The following ANXA1 variants were observed in gnomAD, a reference collection of about 807,000 sequenced individuals.
ANXA1 encodes the protein annexin I (lipocortin I).
ANXA1 carries 39 observed loss-of-function variants against 47.9 expected under a neutral mutation model. That is an observed-to-expected ratio of 0.81 (90% CI 0.63 to 1.06). The LOEUF (loss-of-function observed/expected upper bound fraction) is 1.06, where lower values mean the gene tolerates loss of function less well. Ranked by LOEUF, ANXA1 falls within the 50% of genes least tolerant of loss-of-function variation. ANXA1 has a pLI of 0.00. For synonymous variants in ANXA1, 146 were observed against 142.5 expected, an observed-to-expected ratio of 1.02 and a Z score of -0.17; for missense variants, 446 against 422.7, an observed-to-expected ratio of 1.06 and a Z score of -0.48.
At chr9:73,157,190 G>A (rs895497699) in intron 1 of ANXA1, among the ~76,000 whole-genome samples, 4 of 151,992 alleles carry the variant, frequency 2.6e-5, no homozygotes, top group Non-Finnish European at 5.9e-5. Flanking sequence ...AGCTCAAATA[G>A]GAAGAAATGT....
chr9:73,165,111 G>C lies in ANXA1; in HGVS notation c.613-5G>C. ...TGAAGTGTTTACTTTTGTGTTTCTT[G>C]ACAGGCCTTGTATGAAGCAGGAGAA... On this transcript the variant is annotated splice_polypyrimidine_tract_variant and splice_region_variant and intron_variant, in intron 8 of 12. Transcript: ENST00000257497. The C allele has an allele frequency of 6.2e-7, 1 of 1,611,092 alleles. No individual in the cohort carries two copies. The highest frequency in any genetic ancestry group is 8.5e-7 in the Non-Finnish European group (1 of 1,178,004).
chr9:73,159,543 T>C (rs1824103657), intron 4 of ANXA1, 120 bp downstream of exon 4: 3 of 725,432 alleles, frequency 4.1e-6, no homozygotes, highest in Non-Finnish European at 6.6e-6. Flanking sequence ...ATTACATCTA[T>C]GATTGGGATT....
chr9:73,167,369 T>G, intron 10 of ANXA1, 128 bp from the exon 11 acceptor site: 47 of 742,414 alleles, frequency 6.3e-5, no homozygotes, highest in Non-Finnish European at 1.0e-4. Flanking sequence ...TATTGGGAGA[T>G]GAGAGGTGAA....
intron 5 of ANXA1, among the ~76,000 whole-genome samples, 167 bp downstream of exon 5, chr9:73,160,543 C>G (rs1480254149): frequency 6.6e-6 from 1 of 151,988 alleles, no homozygotes; most frequent in African/African-American, 2.4e-5. Context: ...TAAATGAAAA[C>G]AGAAATGTTG....
At chr9:73,154,217 T>C in intron 1 of ANXA1, 1 of 990,318 alleles carries the variant, frequency 1.0e-6, no homozygotes, top group Non-Finnish European at 1.4e-6. Flanking sequence ...GGGAAGGACT[T>C]GTGAAATACA....
chr9:73,152,176 C>T (rs1823982838), intron 1 of ANXA1, among the ~76,000 whole-genome samples: 1 of 152,282 alleles, frequency 6.6e-6, no homozygotes, highest in East Asian at 1.9e-4. Context: ...GCTCATTGTA[C>T]TCTTGGTAAG....
intron 1 of ANXA1, among the ~76,000 whole-genome samples, chr9:73,152,875 T>C (rs1299608511): frequency 6.6e-6 from 1 of 152,256 alleles, no homozygotes; most frequent in Non-Finnish European, 1.5e-5. Context: ...TCGTTCATTT[T>C]AAATATTTAT....
chr9:73,160,672 A>T, intron 5 of ANXA1, 131 bp from the exon 6 acceptor site: 1 of 681,948 alleles, frequency 1.5e-6, no homozygotes, highest in Non-Finnish European at 2.6e-6. Context: ...AGCTTATTGT[A>T]ATTATTAAAT....
Position 73,170,186 on chromosome 9 carries a change from T to A in ANXA1, c.*79T>A. On this transcript the variant is annotated 3_prime_UTR_variant, in exon 13 of 13. Transcript: ENST00000257497. The stretch of plus-strand genomic sequence containing the variant: ...CATCCTATAAGCTTAAATAGGAAAG[T>A]TTCTTCAACAGGATTACAGTGTAGC... 1 of 1,252,594 alleles carries A rather than the reference T, an allele frequency of 8.0e-7. No individual in the cohort carries two copies. The allele number at this position is 1,252,594 out of a possible 1,614,324, so 77.6% of individuals were successfully genotyped here. A position where few individuals can be genotyped will look rare whatever the true frequency, so the allele number is the denominator to read the frequency against.
In ANXA1 at chr9:73,158,839, A is replaced by G. The variant is rs556547962; in HGVS notation, c.175+36A>G. On this transcript the variant is annotated intron_variant, in intron 3 of 12. Transcript: ENST00000257497. ...TCCTCAAAACAGTTCCCTCCTGGAC[A>G]TTTCAGAATGGCTATTTGAATGACT... The G allele has an allele frequency of 3.3e-6, 5 of 1,502,688 alleles. No homozygotes were observed. The South Asian group carries it at 3.4e-5, about 10-fold the overall frequency. 93.1% of individuals were successfully genotyped at this position (1,502,688 alleles called of 1,614,324 possible).
At chr9:73,158,653 T>A in intron 2 of ANXA1, 42 bp from the exon 3 acceptor site, 1 of 1,609,454 alleles carries the variant, frequency 6.2e-7, no homozygotes, top group Middle Eastern at 1.7e-4. Flanking sequence ...TAAAAACGAA[T>A]ATAAGTAAAT....
intron 10 of ANXA1, 79 bp downstream of exon 10, chr9:73,166,271 C>A: frequency 1.0e-6 from 1 of 1,003,144 alleles, no homozygotes; most frequent in Non-Finnish European, 1.5e-6. Context: ...ACAAGAACAA[C>A]AGCAACAAAA....
intron 1 of ANXA1, among the ~76,000 whole-genome samples, chr9:73,155,262 T>C (rs78626339): frequency 0.016 from 2,440 of 152,300 alleles, 61 homozygotes; most frequent in African/African-American, 0.055. Flanking sequence ...ATAAACTTAG[T>C]TTTAGAGCTT....
intron 10 of ANXA1, 28 bp from the exon 11 acceptor site, chr9:73,167,469 C>T (rs1563964608): frequency 3.1e-6 from 5 of 1,601,988 alleles, no homozygotes; most frequent in Admixed American, 3.4e-5. Context: ...ATGGTAAATA[C>T]ATCAACTAAA....
intron 7 of ANXA1, 103 bp from the exon 8 acceptor site, chr9:73,163,373 C>CT: frequency 1.7e-6 from 2 of 1,171,908 alleles, no homozygotes; most frequent in Non-Finnish European, 2.4e-6. Flanking sequence ...TAATAGAATA[C>CT]CTTTTTCTCA....
At chr9:73,156,571 C>A (rs959980878) in intron 1 of ANXA1, among the ~76,000 whole-genome samples, 1 of 152,108 alleles carries the variant, frequency 6.6e-6, no homozygotes, top group Non-Finnish European at 1.5e-5. Context: ...CAATCCCATG[C>A]GAATTAAGTG....
intron 7 of ANXA1, 33 bp downstream of exon 7, chr9:73,162,894 G>A: frequency 6.6e-7 from 1 of 1,514,266 alleles, no homozygotes. Flanking sequence ...AATGCCTCTT[G>A]TTTTATAAAG....
intron 1 of ANXA1, chr9:73,154,170 T>C: frequency 2.1e-6 from 1 of 467,348 alleles, no homozygotes. Context: ...CATGCCATTG[T>C]GTAGTCTTAA....
chr9:73,163,600 C>A (rs1254165611), intron 8 of ANXA1, 68 bp downstream of exon 8: 10 of 1,524,460 alleles, frequency 6.6e-6, no homozygotes, highest in Non-Finnish European at 9.1e-6. Flanking sequence ...ACCACATGAT[C>A]CCCTGTGAAA....
Sources: allele counts gnomAD v4.1 joint callset (sites outside exome capture counted in the v4.1 genomes callset), GRCh38; gene constraint gnomAD v4.1.1; transcripts MANE v1.5; gene names NCBI Gene and HGNC (gene_info 2026-07-23, HGNC 2026-07-21).